The following MAPKAPK5 variants were observed in gnomAD, a reference collection of about 807,000 sequenced individuals.
MAPKAPK5 encodes MAPK activated protein kinase 5.
Under a neutral mutation model 65.1 loss-of-function variants are expected in MAPKAPK5, and 30 were observed. The ratio of observed to expected loss-of-function variants is 0.46; its 90% CI spans 0.34 to 0.63. The LOEUF (loss-of-function observed/expected upper bound fraction) is 0.63, where lower values mean the gene tolerates loss of function less well. MAPKAPK5 is among the 20% of genes least tolerant of loss of function. The pLI, the probability that MAPKAPK5 is intolerant of heterozygous loss-of-function variation, is 0.01. For missense variants in MAPKAPK5, 433 were observed against 581.4 expected (o/e 0.74, Z 2.63); for synonymous variants, 179 against 204.6 (o/e 0.87, Z 1.07).
intron 12 of MAPKAPK5, chr12:111,889,247 C>T (rs916279937): frequency 4.7e-6 from 2 of 421,494 alleles, no homozygotes; most frequent in African/African-American, 4.0e-5. Context: ...CTAGTTTAGA[C>T]TTAATTGGCA....
Position 111,883,848 on chromosome 12 carries a change from G to A in MAPKAPK5, c.848+80G>A. On this transcript the variant is annotated intron_variant, in intron 9 of 13. Coordinates refer to ENST00000550735, the MANE Select transcript of MAPKAPK5 (RefSeq NM_003668.4). This position sits in a 1 kb window ranked among gnomAD's most constrained non-coding sequence, Gnocchi z 4.8. Reference sequence around the variant, plus strand: ...CACAAGGGAATGTGGGTAGAGAAAAGTCACTGGTTTCCTAGGCAGGCTCCT... The same window carrying A: ...CACAAGGGAATGTGGGTAGAGAAAAATCACTGGTTTCCTAGGCAGGCTCCT... 7.0e-7 allele frequency: 1 copy of A among 1,431,876 alleles called. No homozygotes were observed. The highest frequency in any genetic ancestry group is 9.4e-7 in the Non-Finnish European group (1 of 1,064,024). 88.7% of individuals were successfully genotyped at this position (1,431,876 alleles called of 1,614,324 possible). A position where few individuals can be genotyped will look rare whatever the true frequency, so the allele number is the denominator to read the frequency against.
chr12:111,881,403 C>CTTTTTTTTTT (rs61349417), intron 8 of MAPKAPK5, among the ~76,000 whole-genome samples: 3 of 110,728 alleles, frequency 2.7e-5, no homozygotes, highest in Non-Finnish European at 5.5e-5. Flanking sequence ...CTGTCTGTTC[C>CTTTTTTTTTT]TTTTTTTTTT....
At chr12:111,877,723 C>T (rs1472687611) in intron 7 of MAPKAPK5, among the ~76,000 whole-genome samples, 1 of 152,156 alleles carries the variant, frequency 6.6e-6, no homozygotes, top group Non-Finnish European at 1.5e-5. Context: ...CTCTGCCACC[C>T]AGGCTGGAAT....
chr12:111,852,994 G>C (rs1371501563), intron 1 of MAPKAPK5, among the ~76,000 whole-genome samples: 2 of 152,064 alleles, frequency 1.3e-5, no homozygotes, highest in Non-Finnish European at 2.9e-5. Context: ...GGCTGATCTT[G>C]AACTCCTGGC....
intron 10 of MAPKAPK5, chr12:111,888,200 G>A (rs2070476594): frequency 3.0e-6 from 1 of 335,136 alleles, no homozygotes; most frequent in African/African-American, 2.1e-5. Flanking sequence ...CTTCCCCTCA[G>A]TAGTGGCTTT....
chr12:111,901,753 C>T lies in MAPKAPK5; in HGVS notation c.*8692C>T, dbSNP rs1267985258. The T allele has an allele frequency of 4.7e-6, 1 of 213,564 alleles. No individual in the cohort carries two copies. The highest frequency in any genetic ancestry group is 2.4e-5 in the African/African-American group (1 of 42,172). 13.2% of individuals were successfully genotyped at this position (213,564 alleles called of 1,614,324 possible). On this transcript the variant is annotated 3_prime_UTR_variant, in exon 14 of 14. Transcript: ENST00000550735. ...CCAAGTATATCAAACTCCTCAAGTA[C>T]TGAGTGGGAATGAGATGTTTGGTGA...
rs2070392711 is a variant in MAPKAPK5 at position 111,886,056 on chromosome 12, T to TTCATTGAA, written c.969+21_969+22insCATTGAAT. 1 of 1,613,812 alleles carries TTCATTGAA rather than the reference T, an allele frequency of 6.2e-7. No homozygotes were observed. The highest frequency in any genetic ancestry group is 1.3e-5 in the African/African-American group (1 of 75,030). ...GACAAGGTTTTGAATGATGTTTACTTTGTTGGCTGAAAAGACTGTGTTGGG... is the reference window on the plus strand; with the variant it reads ...GACAAGGTTTTGAATGATGTTTACTTTCATTGAATGTTGGCTGAAAAGACTGTGTTGGG... On this transcript the variant is annotated intron_variant, in intron 10 of 13. Coordinates refer to ENST00000550735, the MANE Select transcript of MAPKAPK5 (RefSeq NM_003668.4).
chr12:111,858,269 G>C (rs1325434564), intron 1 of MAPKAPK5, among the ~76,000 whole-genome samples: 1 of 151,964 alleles, frequency 6.6e-6, no homozygotes, highest in Non-Finnish European at 1.5e-5. Context: ...ATCTTATTTA[G>C]AGTTTGTTGA....
rs1207337508 is a variant in MAPKAPK5 at position 111,900,631 on chromosome 12, ATCATGCATGCTG to A, written c.*7572_*7583del. 4 of 456,010 alleles carry A rather than the reference ATCATGCATGCTG, an allele frequency of 8.8e-6. No individual in the cohort carries two copies. Among genetic ancestry groups the A allele is most frequent in the Non-Finnish European group, 1.8e-5 (4 of 226,806 alleles). The allele number at this position is 456,010 out of a possible 1,614,324, so 28.2% of individuals were successfully genotyped here. A position where few individuals can be genotyped will look rare whatever the true frequency, so the allele number is the denominator to read the frequency against. ...TGTGACTGTGGTTCTCTATGTCAGC[ATCATGCATGCTG>A]TGATGAAAACTGTATACTGAAGGCG... On this transcript the variant is annotated 3_prime_UTR_variant, in exon 14 of 14. Coordinates refer to ENST00000550735, the MANE Select transcript of MAPKAPK5 (RefSeq NM_003668.4).
chr12:111,853,675 C>T (rs552136413), intron 1 of MAPKAPK5, among the ~76,000 whole-genome samples: 1 of 152,214 alleles, frequency 6.6e-6, no homozygotes, highest in East Asian at 1.9e-4. Context: ...GCTGGGATGA[C>T]AGGTGCCTGC....
chr12:111,869,800 C>A (rs2069724847), intron 5 of MAPKAPK5, among the ~76,000 whole-genome samples: 1 of 152,144 alleles, frequency 6.6e-6, no homozygotes, highest in Non-Finnish European at 1.5e-5. Context: ...GCATGATGAG[C>A]AAAATGAGTT....
intron 7 of MAPKAPK5, among the ~76,000 whole-genome samples, chr12:111,875,000 A>G (rs966187502): frequency 1.3e-5 from 2 of 151,536 alleles, no homozygotes; most frequent in African/African-American, 4.9e-5. Flanking sequence ...GATGGTCTCA[A>G]TCTCCTGACC....
Position 111,893,713 on chromosome 12 carries a change from CTTT to C in MAPKAPK5, c.*669_*671del, listed in dbSNP as rs1055678464. ...AACAGGGTTTTCTTTTGGGTTTATT[CTTT>C]TTTTTTTTTTTTTTTTGAGACAGAG... On this transcript the variant is annotated 3_prime_UTR_variant, in exon 14 of 14. Transcript: ENST00000550735. 4.6e-5 allele frequency: 6 copies of C among 129,388 alleles called. No homozygotes were observed. The highest frequency in any genetic ancestry group is 3.3e-5 in the Non-Finnish European group (2 of 60,264). The allele number at this position is 129,388 out of a possible 1,614,324, so 8.0% of individuals were successfully genotyped here.
At chr12:111,864,322 T>C (rs1255740005) in intron 1 of MAPKAPK5, among the ~76,000 whole-genome samples, 1 of 152,062 alleles carries the variant, frequency 6.6e-6, no homozygotes, top group Non-Finnish European at 1.5e-5. Context: ...TGCCTCAGCC[T>C]CCCGAGTAGC....
chr12:111,846,284 G>GT (rs1319764357), intron 1 of MAPKAPK5, among the ~76,000 whole-genome samples: 1 of 152,160 alleles, frequency 6.6e-6, no homozygotes, highest in African/African-American at 2.4e-5. Flanking sequence ...AGACAAACCT[G>GT]TAGTGTTCAG....
chr12:111,852,304 C>T (rs1192786521), intron 1 of MAPKAPK5, among the ~76,000 whole-genome samples: 1 of 152,160 alleles, frequency 6.6e-6, no homozygotes, highest in Non-Finnish European at 1.5e-5. Context: ...TGCCCTTCAC[C>T]TCTTCTACCT....
In MAPKAPK5 at chr12:111,900,400, C is replaced by T. The variant is rs11066072; in HGVS notation, c.*7339C>T. The T allele has an allele frequency of 0.021, 9,454 of 456,000 alleles. 696 individuals are homozygous for T. Among genetic ancestry groups the T allele is most frequent in the African/African-American group, 0.16 (8,256 of 50,142 alleles). 28.2% of individuals were successfully genotyped at this position (456,000 alleles called of 1,614,324 possible). ...AACCTGGGTATTCAGCACGACCACT[C>T]GGCCTGCTTTTGTAAAGATAAGCAC... On this transcript the variant is annotated 3_prime_UTR_variant, in exon 14 of 14. Transcript: ENST00000550735.
rs192665700 is a variant in MAPKAPK5 at position 111,853,098 on chromosome 12, C to G, written c.36+10329C>G. On this transcript the variant is annotated intron_variant, in intron 1 of 13. Coordinates refer to ENST00000550735, the MANE Select transcript of MAPKAPK5 (RefSeq NM_003668.4). Reference sequence around the variant, plus strand: ...CTGATAAATGTATTCCTGTTTTCTTCTTCACGCCTGTAATCCCAGCACTTT... The same window carrying G: ...CTGATAAATGTATTCCTGTTTTCTTGTTCACGCCTGTAATCCCAGCACTTT... 1.4e-3 allele frequency among the ~76,000 whole-genome samples: 212 copies of G among 152,168 alleles called. 2 individuals carry two copies. Among genetic ancestry groups the G allele is most frequent in the Non-Finnish European group, 2.0e-3 (139 of 68,002 alleles).
rs535686643 is a variant in MAPKAPK5 at position 111,848,679 on chromosome 12, A to G, written c.36+5910A>G. On this transcript the variant is annotated intron_variant, in intron 1 of 13. Transcript: ENST00000550735. ...TGCCCACCTTGGCCTCCAAAATGCT[A>G]GGATTATAGGCATGAGCCACTGTGC... Among the ~76,000 whole-genome samples, 28 of 151,826 alleles carry G rather than the reference A, an allele frequency of 1.8e-4. 2 individuals carry two copies. The highest frequency in any genetic ancestry group is 5.6e-4 in the African/African-American group (23 of 41,424).
Sources: allele counts gnomAD v4.1 joint callset (sites outside exome capture counted in the v4.1 genomes callset), GRCh38; gene constraint gnomAD v4.1.1; non-coding constraint Gnocchi (gnomAD v3.1); transcripts MANE v1.5; gene names NCBI Gene and HGNC (gene_info 2026-07-23, HGNC 2026-07-21).